The following DYNC1I2 variants were observed in gnomAD, a reference collection of about 807,000 sequenced individuals.
DYNC1I2 encodes the protein dynein cytoplasmic 1 intermediate chain 2.
DYNC1I2 carries 53 observed loss-of-function variants against 88.6 expected under a neutral mutation model. The observed-to-expected ratio is 0.60, with a 90% CI of 0.48 to 0.75. The LOEUF (loss-of-function observed/expected upper bound fraction) is 0.75, where lower values mean the gene tolerates loss of function less well. Among genes scored for constraint, DYNC1I2 ranks in the 30% least tolerant of loss-of-function variants. The pLI is 0.00. For missense variants in DYNC1I2, 458 were observed against 766.6 expected, an observed-to-expected ratio of 0.60 and a Z score of 4.75; for synonymous variants, 198 against 254.6, an observed-to-expected ratio of 0.78 and a Z score of 2.12.
At chr2:171,714,416 A>G (rs1687343932) in intron 6 of DYNC1I2, among the ~76,000 whole-genome samples, 1 of 152,120 alleles carries the variant, frequency 6.6e-6, no homozygotes, top group Admixed American at 6.5e-5. Flanking sequence ...AGCCTGCTTT[A>G]TATTCTGAAA....
chr2:171,707,146 C>G, intron 4 of DYNC1I2, 141 bp from the exon 5 acceptor site: 3 of 1,202,652 alleles, frequency 2.5e-6, no homozygotes, highest in Non-Finnish European at 1.2e-6. Context: ...TGTTCATTTT[C>G]ATTCATATAT....
At chr2:171,730,976 C>G (rs1402749491) in intron 15 of DYNC1I2, among the ~76,000 whole-genome samples, 1 of 152,120 alleles carries the variant, frequency 6.6e-6, no homozygotes, top group Non-Finnish European at 1.5e-5. Context: ...TAAAAGCTTG[C>G]CTTTTAAAAT....
At chr2:171,737,279 C>A (rs745789091) in intron 15 of DYNC1I2, among the ~76,000 whole-genome samples, 89 of 152,152 alleles carry the variant, frequency 5.8e-4, no homozygotes, top group Admixed American at 2.0e-3. Context: ...TTAGGACCTA[C>A]CCTAATTCAA....
At chr2:171,729,670 T>C (rs748561287) in intron 14 of DYNC1I2, 39 bp from the exon 15 acceptor site, 12 of 1,608,924 alleles carry the variant, frequency 7.5e-6, no homozygotes, top group South Asian at 5.5e-5. Context: ...GGTCTACTTA[T>C]AGGAGACTTC....
intron 6 of DYNC1I2, among the ~76,000 whole-genome samples, chr2:171,714,282 A>G: frequency 6.9e-6 from 1 of 145,632 alleles, no homozygotes; most frequent in Non-Finnish European, 1.6e-5. Flanking sequence ...TTTAAAATGT[A>G]CTAATTTTAT....
chr2:171,736,424 T>G (rs1689011929), intron 15 of DYNC1I2, among the ~76,000 whole-genome samples: 1 of 152,218 alleles, frequency 6.6e-6, no homozygotes, highest in Non-Finnish European at 1.5e-5. Context: ...AAGGCCCAGA[T>G]ACTCCTGTGA....
chr2:171,739,715 T>C (rs1689277189), intron 15 of DYNC1I2, among the ~76,000 whole-genome samples: 1 of 139,438 alleles, frequency 7.2e-6, no homozygotes, highest in African/African-American at 2.7e-5. Flanking sequence ...TTTTTTTTTT[T>C]TTTTTTTTGA....
rs1268853440 is a variant in DYNC1I2 at position 171,744,104 on chromosome 2, T to C, written c.1592T>C (p.Met531Thr). 6.2e-7 allele frequency: 1 copy of C among 1,613,142 alleles called. No homozygotes were observed. Among genetic ancestry groups the C allele is most frequent in the African/African-American group, 1.3e-5 (1 of 74,922 alleles). The change falls in exon 16 of 18, where the codon ATG (methionine) becomes ACG (threonine). Residue 531 changes from methionine to threonine, a missense_variant. Physicochemically the swap from Met to Thr is moderately conservative, Grantham distance 81. Transcript: ENST00000397119. ...AATGCAGACTATGTTTATGATGTTA[T>C]GTGGTCACCTACCCACCCAGCCCTG... Reference protein sequence around the residue: ...EDNADYVYDVMWSPTHPALFA... With the variant: ...EDNADYVYDVTWSPTHPALFA...
intron 5 of DYNC1I2, among the ~76,000 whole-genome samples, chr2:171,708,310 T>A (rs1686841541): frequency 6.6e-6 from 1 of 151,896 alleles, no homozygotes; most frequent in Admixed American, 6.6e-5. Context: ...AAACCAGTAA[T>A]AAATATCTAA....
chr2:171,689,801 TC>T (rs1559357890), intron 1 of DYNC1I2, among the ~76,000 whole-genome samples: 1 of 151,790 alleles, frequency 6.6e-6, no homozygotes, highest in Non-Finnish European at 1.5e-5. Flanking sequence ...AGCCTTGACT[TC>T]CTGGGCTCCA....
intron 3 of DYNC1I2, among the ~76,000 whole-genome samples, chr2:171,701,968 T>C (rs1246630008): frequency 6.6e-6 from 1 of 152,206 alleles, no homozygotes; most frequent in East Asian, 1.9e-4. Flanking sequence ...CTGGTCAAGA[T>C]AGAACATTGT....
chr2:171,699,411 C>G (rs934397530), intron 3 of DYNC1I2, among the ~76,000 whole-genome samples: 4 of 152,130 alleles, frequency 2.6e-5, no homozygotes, highest in Non-Finnish European at 5.9e-5. Context: ...TATCCATGTT[C>G]ATTGGTCATC....
Position 171,748,034 on chromosome 2 carries a change from A to C in DYNC1I2, c.*145A>C. 5.8e-6 allele frequency: 3 copies of C among 521,002 alleles called. No homozygotes were observed. The highest frequency in any genetic ancestry group is 1.0e-5 in the Non-Finnish European group (3 of 289,290). The allele number at this position is 521,002 out of a possible 1,614,324, so 32.3% of individuals were successfully genotyped here. A position where few individuals can be genotyped will look rare whatever the true frequency, so the allele number is the denominator to read the frequency against. On this transcript the variant is annotated 3_prime_UTR_variant, in exon 18 of 18. Transcript: ENST00000397119. ...GGTTTAATGCAGCAAGGAAACTTAC[A>C]ATGTCCCTTTATATATAACATGCAT... is the stretch of plus-strand genomic sequence containing the variant.
chr2:171,737,520 C>A (rs1446622975), intron 15 of DYNC1I2, among the ~76,000 whole-genome samples: 1 of 152,162 alleles, frequency 6.6e-6, no homozygotes, highest in Non-Finnish European at 1.5e-5. Flanking sequence ...CAGGTTCAAG[C>A]GATTATCATG....
chr2:171,714,795 ATATT>A lies in DYNC1I2; in HGVS notation c.396-531_396-528del, dbSNP rs540501030. 3.2e-4 allele frequency among the ~76,000 whole-genome samples: 48 copies of A among 152,330 alleles called. No individual in the cohort carries two copies. The East Asian group carries it at 7.1e-3, about 23-fold the overall frequency. On this transcript the variant is annotated intron_variant, in intron 6 of 17. Coordinates refer to ENST00000397119, the MANE Select transcript of DYNC1I2 (RefSeq NM_001378.3). ...GAGATTAGAGATTTAAAAGTTTTAAATATTTCATTTTAAAGTCCAAATTGATAGT... is the reference window on the plus strand; with the variant it reads ...GAGATTAGAGATTTAAAAGTTTTAAATCATTTTAAAGTCCAAATTGATAGT...
At chr2:171,691,968 T>C (rs761579598) in intron 2 of DYNC1I2, among the ~76,000 whole-genome samples, 1 of 152,184 alleles carries the variant, frequency 6.6e-6, no homozygotes, top group Non-Finnish European at 1.5e-5. Context: ...TTTTGTTATT[T>C]TGATTAATTT....
At chr2:171,701,208 C>G (rs942352574) in intron 3 of DYNC1I2, among the ~76,000 whole-genome samples, 4 of 151,962 alleles carry the variant, frequency 2.6e-5, no homozygotes, top group African/African-American at 7.3e-5. Context: ...TTTTTGGAGA[C>G]GGAGTCTTGC....
Position 171,690,271 on chromosome 2 carries a change from T to G in DYNC1I2, c.108+8T>G. 6.5e-7 allele frequency: 1 copy of G among 1,530,690 alleles called. No homozygotes were observed. Among genetic ancestry groups the G allele is most frequent in the Non-Finnish European group, 8.8e-7 (1 of 1,134,708 alleles). 94.8% of individuals were successfully genotyped at this position (1,530,690 alleles called of 1,614,324 possible). A position where few individuals can be genotyped will look rare whatever the true frequency, so the allele number is the denominator to read the frequency against. ...GAAAGGAAAAAAAAAGAAGTATGTT[T>G]GATTTTTTTGCTTAAATAAACAACA... On this transcript the variant is annotated splice_region_variant and intron_variant, in intron 2 of 17. Transcript: ENST00000397119.
chr2:171,716,453 T>G (rs1237581089), intron 7 of DYNC1I2, among the ~76,000 whole-genome samples: 1 of 152,210 alleles, frequency 6.6e-6, no homozygotes, highest in African/African-American at 2.4e-5. Flanking sequence ...TTTAAATTTT[T>G]AATTAAATTA....
Sources: gnomAD v4.1 joint callset for allele counts (sites outside exome capture counted in the v4.1 genomes callset) on GRCh38, gnomAD v4.1.1 for gene constraint, MANE v1.5 for transcripts, NCBI Gene and HGNC (gene_info 2026-07-23, HGNC 2026-07-21) for gene names.